DAB1: variants seen among roughly 807,000 people sequenced by gnomAD.
DAB1 encodes the protein DAB adaptor protein 1, also known as disabled homolog 1.
A neutral mutation model predicts 64.6 loss-of-function variants in DAB1; 15 were observed. That is an observed-to-expected ratio of 0.23 (90% CI 0.16 to 0.36). The LOEUF (loss-of-function observed/expected upper bound fraction) is 0.36. Ranked by LOEUF, DAB1 falls within the 10% of genes least tolerant of loss-of-function variation. The pLI is 1.00. For missense variants in DAB1, 596 were observed against 706.7 expected (o/e 0.84, Z 1.78); for synonymous variants, 235 against 251.9 (o/e 0.93, Z 0.64).
intron 4 of DAB1, among the ~76,000 whole-genome samples, chr1:57,073,458 G>A (rs186172314): frequency 1.1e-4 from 17 of 152,220 alleles, no homozygotes; most frequent in African/African-American, 3.6e-4. Context: ...CCATCCTATC[G>A]GGTAATGGTG....
chr1:58,430,074 T>C (rs1644856105), intron 3 of DAB1, among the ~76,000 whole-genome samples: 1 of 152,152 alleles, frequency 6.6e-6, no homozygotes, highest in Non-Finnish European at 1.5e-5. Context: ...ACCTTCCTGA[T>C]CTAATCACCT....
intron 2 of DAB1, among the ~76,000 whole-genome samples, chr1:58,520,306 A>G (rs902005088): frequency 6.6e-6 from 1 of 152,226 alleles, no homozygotes. Flanking sequence ...CACTTGCAAG[A>G]CACATATCTG....
At chr1:57,642,111 A>C (rs530234481) in intron 7 of DAB1, among the ~76,000 whole-genome samples, 3 of 152,032 alleles carry the variant, frequency 2.0e-5, no homozygotes, top group African/African-American at 7.2e-5. Flanking sequence ...TTTTTTTTTT[A>C]AGTTCTCAGA....
chr1:57,505,908 A>G (rs1404069873), intron 7 of DAB1, among the ~76,000 whole-genome samples: 1 of 152,106 alleles, frequency 6.6e-6, no homozygotes, highest in African/African-American at 2.4e-5. Context: ...GGGCTCAAGC[A>G]ATCTGCCCCG....
At chr1:57,831,146 CCCGTGGTCCGCCCA>C (rs981373574) in intron 1 of DAB1, among the ~76,000 whole-genome samples, 3 of 152,112 alleles carry the variant, frequency 2.0e-5, no homozygotes, top group African/African-American at 7.2e-5. Flanking sequence ...ATCTCCTGAC[CCCGTGGTCCGCCCA>C]CCTCGGCCTC....
intron 5 of DAB1, among the ~76,000 whole-genome samples, chr1:58,129,553 G>T (rs937414953): frequency 7.4e-6 from 1 of 134,274 alleles, no homozygotes; most frequent in Non-Finnish European, 1.5e-5. Flanking sequence ...TGATGTTACG[G>T]TGTCAATTTT....
chr1:57,938,644 C>T (rs1188219159), intron 5 of DAB1, among the ~76,000 whole-genome samples: 1 of 152,176 alleles, frequency 6.6e-6, no homozygotes, highest in Non-Finnish European at 1.5e-5. Context: ...TTCAATTAAA[C>T]CTCTTTTCTT....
chr1:57,842,229 A>C (rs1258289891), intron 1 of DAB1, among the ~76,000 whole-genome samples: 2 of 152,202 alleles, frequency 1.3e-5, no homozygotes, highest in Non-Finnish European at 2.9e-5. Context: ...TCCAGTTCCC[A>C]GTAAGTTCTT....
chr1:57,972,070 T>C (rs910485468), intron 5 of DAB1, among the ~76,000 whole-genome samples: 1 of 152,202 alleles, frequency 6.6e-6, no homozygotes, highest in Non-Finnish European at 1.5e-5. Context: ...TTTAAAACTA[T>C]AAGTAGATAC....
At chr1:58,334,037 C>G (rs372470814) in intron 4 of DAB1, among the ~76,000 whole-genome samples, 13 of 152,186 alleles carry the variant, frequency 8.5e-5, no homozygotes, top group African/African-American at 2.9e-4. Context: ...ATCATATCTT[C>G]TCAACCTATT....
intron 2 of DAB1, among the ~76,000 whole-genome samples, chr1:57,150,408 T>C (rs1190025371): frequency 1.3e-5 from 2 of 152,198 alleles, no homozygotes; most frequent in African/African-American, 4.8e-5. Context: ...GTGGTTACCC[T>C]AATTAATTAT....
intron 2 of DAB1, among the ~76,000 whole-genome samples, chr1:57,184,285 T>C (rs1663297328): frequency 6.6e-6 from 1 of 152,196 alleles, no homozygotes; most frequent in Non-Finnish European, 1.5e-5. Context: ...CAGGTCAAAG[T>C]GTATAATACA....
chr1:57,255,878 C>T lies in DAB1; in HGVS notation c.67+35086G>A, dbSNP rs150821128. Among the ~76,000 whole-genome samples the T allele has an allele frequency of 6.3e-4, 96 of 152,308 alleles. 3 individuals carry two copies. In the East Asian group the frequency reaches 0.012, roughly 19 times the overall value. On this transcript the variant is annotated intron_variant, in intron 2 of 14. Coordinates refer to ENST00000371236, the MANE Select transcript of DAB1 (RefSeq NM_001365792.1). ...AACCTAAGATATCCTAAAATTACTG[C>T]ATTCAAGAGGCTGCCATTTCCTGAC...
chr1:57,063,622 G>A (rs1489437612), intron 8 of DAB1, among the ~76,000 whole-genome samples: 2 of 152,162 alleles, frequency 1.3e-5, no homozygotes, highest in African/African-American at 2.4e-5. Context: ...AGGTCACTGA[G>A]CTCTGAGCTT....
chr1:58,301,851 T>C (rs571759257), intron 4 of DAB1, among the ~76,000 whole-genome samples: 1 of 152,192 alleles, frequency 6.6e-6, no homozygotes, highest in African/African-American at 2.4e-5. Context: ...ATAAGAAAAA[T>C]AAAAGCATCT....
Position 57,194,844 on chromosome 1 carries a change from A to G in DAB1, c.68-49415T>C, listed in dbSNP as rs188000465. Among the ~76,000 whole-genome samples the G allele has an allele frequency of 1.1e-3, 171 of 152,322 alleles. 1 individual carries two copies. The highest frequency in any genetic ancestry group is 3.8e-3 in the African/African-American group (157 of 41,574). ...GAAAGCATGAAACACAGCCACAGCC[A>G]TTGCTGGCCACAGCAATCAGACACG... On this transcript the variant is annotated intron_variant, in intron 2 of 14. Coordinates refer to ENST00000371236, the MANE Select transcript of DAB1 (RefSeq NM_001365792.1).
chr1:58,445,066 G>A (rs773244047), intron 3 of DAB1, among the ~76,000 whole-genome samples: 11 of 152,234 alleles, frequency 7.2e-5, no homozygotes, highest in Non-Finnish European at 1.2e-4. Context: ...GTTCCCTGGG[G>A]CTAAGGGATT....
At chr1:57,776,153 G>A (rs3118062) in intron 6 of DAB1, among the ~76,000 whole-genome samples, 88,413 of 151,350 alleles carry the variant, frequency 0.58, 25,970 homozygotes, top group East Asian at 0.65. Context: ...TAATCTAACA[G>A]CCTATAATCC....
At chr1:58,307,842 T>G (rs1461598643) in intron 4 of DAB1, among the ~76,000 whole-genome samples, 4 of 152,002 alleles carry the variant, frequency 2.6e-5, no homozygotes, top group African/African-American at 9.7e-5. Flanking sequence ...GGAAATGAGC[T>G]GCAGACTTGG....
Sources: allele counts gnomAD v4.1 joint callset (sites outside exome capture counted in the v4.1 genomes callset), GRCh38; gene constraint gnomAD v4.1.1; transcripts MANE v1.5; gene names NCBI Gene and HGNC (gene_info 2026-07-23, HGNC 2026-07-21).